Variants in C16orf90 observed in about 807,000 individuals in gnomAD.
C16orf90 encodes uncharacterized protein C16orf90.
Under a neutral mutation model 17.1 loss-of-function variants are expected in C16orf90, and 17 were observed. That is an observed-to-expected ratio of 1.00 (90% CI 0.68 to 1.49). C16orf90 has a LOEUF of 1.49. Among genes scored for constraint, C16orf90 ranks in the 40% most tolerant of loss-of-function variants. The probability of loss-of-function intolerance (pLI) is 0.00; values close to 1 mark genes in which losing one functional copy is unlikely to be tolerated. For missense variants in C16orf90, 255 were observed against 235.5 expected (o/e 1.08, Z -0.54); for synonymous variants, 108 against 95.8 (o/e 1.13, Z -0.75).
chr16:3,494,082 A>G, intron 2 of C16orf90, 95 bp from the exon 3 acceptor site: 2 of 1,099,566 alleles, frequency 1.8e-6, no homozygotes, highest in Non-Finnish European at 2.6e-6. Flanking sequence ...AGAATCCGAT[A>G]TTCTTGAAAA....
chr16:3,493,725 C>G lies in C16orf90; in HGVS notation c.*114G>C. Reference sequence around the variant, plus strand: ...AGGCCCAGGCCTGGGCGCTGGGCCGCTGCCTGGGCCACCCCATGTGGCAGG... The same window carrying G: ...AGGCCCAGGCCTGGGCGCTGGGCCGGTGCCTGGGCCACCCCATGTGGCAGG... On this transcript the variant is annotated 3_prime_UTR_variant, in exon 3 of 3. Coordinates refer to ENST00000437192, the MANE Select transcript of C16orf90 (RefSeq NM_001080524.2). The G allele has an allele frequency of 6.6e-6, 7 of 1,061,860 alleles. No individual in the cohort carries two copies. Among genetic ancestry groups the G allele is most frequent in the Non-Finnish European group, 5.3e-6 (4 of 754,118 alleles). The allele number at this position is 1,061,860 out of a possible 1,614,324, so 65.8% of individuals were successfully genotyped here.
intron 2 of C16orf90, 68 bp downstream of exon 2, chr16:3,494,456 C>G: frequency 7.3e-7 from 1 of 1,368,350 alleles, no homozygotes; most frequent in Non-Finnish European, 1.0e-6. Flanking sequence ...AAGGGCCCGC[C>G]TGAGGCCCCA....
At position 3,495,463 on chromosome 16, in the gene C16orf90, G is replaced by A. The variant is rs1265589299; in HGVS notation, c.-42C>T. 4.4e-6 allele frequency: 7 copies of A among 1,599,410 alleles called. No homozygotes were observed. The highest frequency in any genetic ancestry group is 6.0e-6 in the Non-Finnish European group (7 of 1,172,296). On this transcript the variant is annotated 5_prime_UTR_variant, in exon 1 of 3. Coordinates refer to ENST00000437192, the MANE Select transcript of C16orf90 (RefSeq NM_001080524.2). ...GGGGAGGAGCAACCAGGACTTGGGT[G>A]CAGCAGGGCCCTGCTCTCCCCTGCC...
At position 3,493,813 on chromosome 16, in the gene C16orf90, G is replaced by A. The variant is rs1327730777; in HGVS notation, c.*26C>T. 3.2e-6 allele frequency: 5 copies of A among 1,578,954 alleles called. No homozygotes were observed. The highest frequency in any genetic ancestry group is 4.3e-6 in the Non-Finnish European group (5 of 1,162,934). On this transcript the variant is annotated 3_prime_UTR_variant, in exon 3 of 3. Coordinates refer to ENST00000437192, the MANE Select transcript of C16orf90 (RefSeq NM_001080524.2). ...CCTCCTCGGCCATCCTGCCCCTCCT[G>A]TACCCAGTCCTGGCACTCGGGATCC...
Position 3,494,626 on chromosome 16 carries a change from C to G in C16orf90, c.298G>C (p.Ala100Pro). The change falls in exon 2 of 3, where the codon GCC (alanine) becomes CCC (proline). Residue 100 changes from alanine to proline, a missense_variant. By Grantham distance (27) the Ala-to-Pro change is conservative. Coordinates refer to ENST00000437192, the MANE Select transcript of C16orf90 (RefSeq NM_001080524.2). Reference protein sequence around the residue: ...GGCLPQPEGTAWALDLPQGTL... With the variant: ...GGCLPQPEGTPWALDLPQGTL... The stretch of plus-strand genomic sequence containing the variant: ...CCCTGTGGCAGGTCCAGGGCCCAGG[C>G]TGTGCCCTCAGGCTGTGGCAGGCAG... 4 of 1,612,206 alleles carry G rather than the reference C, an allele frequency of 2.5e-6. No individual in the cohort carries two copies. The highest frequency in any genetic ancestry group is 1.1e-5 in the South Asian group (1 of 91,036).
chr16:3,496,583 G>T, upstream of C16orf90: 2 of 537,488 alleles, frequency 3.7e-6, no homozygotes, highest in South Asian at 2.8e-5. Flanking sequence ...CGATCAGCTG[G>T]CCCTGGACTC....
chr16:3,495,777 ACAGACCTAGG>A (rs946066874), upstream of C16orf90, among the ~76,000 whole-genome samples: 1 of 152,128 alleles, frequency 6.6e-6, no homozygotes, highest in African/African-American at 2.4e-5. Flanking sequence ...GTTCAGGAGT[ACAGACCTAGG>A]AAGACCTAGG....
In C16orf90 at chr16:3,493,547, G is replaced by A. The variant is rs1407944950; in HGVS notation, c.*292C>T. ...TCCCCGGCCTCTCAGGGAGGCGGTG[G>A]CGGGGGGGCCTGATTCTGCACTCAG... is the stretch of plus-strand genomic sequence containing the variant. On this transcript the variant is annotated 3_prime_UTR_variant, in exon 3 of 3. Transcript: ENST00000437192. The A allele has an allele frequency of 1.1e-5, 3 of 275,962 alleles. No individual in the cohort carries two copies. Among genetic ancestry groups the A allele is most frequent in the East Asian group, 1.3e-4 (2 of 15,388 alleles). The allele number at this position is 275,962 out of a possible 1,614,324, so 17.1% of individuals were successfully genotyped here.
chr16:3,496,153 A>G (rs2037306146), upstream of C16orf90: 1 of 429,200 alleles, frequency 2.3e-6, no homozygotes, highest in South Asian at 1.9e-5. Context: ...AAAAAAAAAA[A>G]AGTTAAACAT....
upstream of C16orf90, among the ~76,000 whole-genome samples, chr16:3,495,851 A>G (rs1477746092): frequency 6.6e-6 from 1 of 152,122 alleles, no homozygotes; most frequent in Non-Finnish European, 1.5e-5. Context: ...CATGCCTGTA[A>G]TCCCAGCACT....
rs1422183341 is a variant in C16orf90, at chr16:3,494,629, T to G, written c.295A>C (p.Thr99Pro). The G allele has an allele frequency of 3.6e-5, 58 of 1,611,904 alleles. No individual in the cohort carries two copies. Among genetic ancestry groups the G allele is most frequent in the Non-Finnish European group, 4.9e-5 (58 of 1,179,700 alleles). The stretch of plus-strand genomic sequence containing the variant: ...TGTGGCAGGTCCAGGGCCCAGGCTG[T>G]GCCCTCAGGCTGTGGCAGGCAGCCC... ...AGGCLPQPEG[T>P]AWALDLPQGT... Residue 99 changes from threonine to proline, a missense_variant, in exon 2 of 3, where the codon ACA (threonine) becomes CCA (proline). Thr to Pro is a conservative substitution (Grantham distance 38, BLOSUM62 -1). Coordinates refer to ENST00000437192, the MANE Select transcript of C16orf90 (RefSeq NM_001080524.2).
rs1304958809 is a variant in C16orf90 at position 3,493,872 on chromosome 16, C to T, written c.516G>A (p.Lys172=). Residue 172 remains lysine (K), a synonymous_variant, in exon 3 of 3, where the codon AAG becomes AAA. Transcript: ENST00000437192. ...TWEEAMCPLC[K]RTRSGALERP ...TCTCCAGGGCCCCAGAGCGGGTTCT[C>T]TTGCACAAGGGACACATGGCCTCTT... 6.2e-7 allele frequency: 1 copy of T among 1,607,100 alleles called. No individual in the cohort carries two copies. The highest frequency in any genetic ancestry group is 2.2e-5 in the East Asian group (1 of 44,642).
upstream of C16orf90, chr16:3,496,390 C>G: frequency 2.7e-6 from 3 of 1,103,446 alleles, no homozygotes; most frequent in South Asian, 1.2e-5. Context: ...CACCTCTGTC[C>G]GTTTCCCGGA....
At chr16:3,494,249 C>T (rs2037270783) in intron 2 of C16orf90, among the ~76,000 whole-genome samples, 1 of 152,138 alleles carries the variant, frequency 6.6e-6, no homozygotes, top group Non-Finnish European at 1.5e-5. Flanking sequence ...AGACAGATTC[C>T]AAGGCCCCTC....
chr16:3,496,387 G>T, upstream of C16orf90: 1 of 1,184,482 alleles, frequency 8.4e-7, no homozygotes, highest in Non-Finnish European at 1.2e-6. Context: ...GGCCACCTCT[G>T]TCCGTTTCCC....
At chr16:3,496,503 G>A (rs62031813), upstream of C16orf90, 22,188 of 622,434 alleles carry the variant, frequency 0.036, 530 homozygotes, top group South Asian at 0.052. Flanking sequence ...CAAACTTAAG[G>A]TGTGTGCGCT....
At chr16:3,496,368 G>T (rs2037309711), upstream of C16orf90, 2 of 1,183,228 alleles carry the variant, frequency 1.7e-6, no homozygotes, top group Non-Finnish European at 1.2e-6. Flanking sequence ...TTTATGAGTC[G>T]CACCAACCGG....
At position 3,494,802 on chromosome 16, in the gene C16orf90, G is replaced by T. The variant is rs767209858; in HGVS notation, c.122C>A (p.Ser41Tyr). 3.2e-6 allele frequency: 5 copies of T among 1,581,372 alleles called. No individual in the cohort carries two copies. Among genetic ancestry groups the T allele is most frequent in the Non-Finnish European group, 2.6e-6 (3 of 1,165,812 alleles). Residue 41 changes from serine (S) to tyrosine (Y), a missense_variant, in exon 2 of 3, where the codon TCC (serine) becomes TAC (tyrosine). Physicochemically the swap from Ser to Tyr is moderately radical, Grantham distance 144 (BLOSUM62 -2). Transcript: ENST00000437192. The stretch of plus-strand genomic sequence containing the variant: ...GGCACTGGGGCACTGCGGCTGCGGG[G>T]ACCCCAGGCCCCCCTCGTAGATGTT... ...PPNIYEGGLG[S>Y]PQPQCPSAQG...
upstream of C16orf90, chr16:3,496,201 A>G: frequency 1.8e-6 from 1 of 561,768 alleles, no homozygotes; most frequent in Non-Finnish European, 3.4e-6. Flanking sequence ...AAGCGCCATC[A>G]TGGGAGCTGA....
Sources: gnomAD v4.1 joint callset for allele counts (sites outside exome capture counted in the v4.1 genomes callset) on GRCh38, gnomAD v4.1.1 for gene constraint, MANE v1.5 for transcripts, NCBI Gene and HGNC (gene_info 2026-07-23, HGNC 2026-07-21) for gene names.